Variants in CACNG2 observed in about 807,000 individuals in gnomAD.
CACNG2 encodes calcium voltage-gated channel auxiliary subunit gamma 2, also known as voltage-dependent calcium channel gamma-2 subunit.
A neutral mutation model predicts 25.9 loss-of-function variants in CACNG2; 3 were observed. That is an observed-to-expected ratio of 0.12 (90% confidence interval 0.05 to 0.30). CACNG2 has a LOEUF of 0.30. CACNG2 is among the 10% of genes least tolerant of loss of function. The pLI is 1.00. For missense variants in CACNG2, 341 were observed against 432.5 expected (o/e 0.79, Z 1.88); for synonymous variants, 167 against 173.3 (o/e 0.96, Z 0.29).
intron 1 of CACNG2, among the ~76,000 whole-genome samples, chr22:36,620,162 A>G (rs1936084157): frequency 6.6e-6 from 1 of 152,242 alleles, no homozygotes; most frequent in South Asian, 2.1e-4. Context: ...ATCCTACCCC[A>G]TCTTCTGTGA....
intron 1 of CACNG2, among the ~76,000 whole-genome samples, chr22:36,687,638 C>CA (rs1937218432): frequency 6.6e-6 from 1 of 152,194 alleles, no homozygotes; most frequent in East Asian, 1.9e-4. Context: ...CGCCACATTG[C>CA]ATGGGAAAGG....
intron 1 of CACNG2, among the ~76,000 whole-genome samples, chr22:36,668,142 G>A (rs941342264): frequency 2.6e-5 from 4 of 152,130 alleles, no homozygotes; most frequent in African/African-American, 9.7e-5. Flanking sequence ...TGCCTCTGCC[G>A]GGCTCTCGGC....
chr22:36,592,510 T>C (rs970542450), intron 1 of CACNG2, among the ~76,000 whole-genome samples: 1 of 152,160 alleles, frequency 6.6e-6, no homozygotes, highest in Non-Finnish European at 1.5e-5. Context: ...AATTAATAGA[T>C]AAGGCAAAAC....
chr22:36,669,508 CAAAAAAAAAAAAAA>C (rs1157379465), intron 1 of CACNG2, among the ~76,000 whole-genome samples: 1 of 61,638 alleles, frequency 1.6e-5, no homozygotes, highest in Admixed American at 2.3e-4. Context: ...ACTCTATCTC[CAAAAAAAAAAAAAA>C]AAAAAAAAAA....
At chr22:36,646,341 A>G (rs1015681444) in intron 1 of CACNG2, among the ~76,000 whole-genome samples, 1 of 152,242 alleles carries the variant, frequency 6.6e-6, no homozygotes, top group African/African-American at 2.4e-5. Flanking sequence ...CACTGGAATT[A>G]AAATTTAGCA....
At chr22:36,685,327 C>T (rs1420717676) in intron 1 of CACNG2, among the ~76,000 whole-genome samples, 3 of 152,170 alleles carry the variant, frequency 2.0e-5, no homozygotes, top group Non-Finnish European at 4.4e-5. Context: ...TCCATCTCTC[C>T]CGGGGGCCTC....
At chr22:36,676,021 G>A (rs1937014844) in intron 1 of CACNG2, among the ~76,000 whole-genome samples, 1 of 152,128 alleles carries the variant, frequency 6.6e-6, no homozygotes, top group Non-Finnish European at 1.5e-5. Context: ...CCACAGGGCT[G>A]GTGAGAAGTG....
intron 1 of CACNG2, among the ~76,000 whole-genome samples, chr22:36,666,929 C>T (rs1271729825): frequency 1.3e-5 from 2 of 151,946 alleles, no homozygotes; most frequent in Non-Finnish European, 2.9e-5. Flanking sequence ...GCTCTTCTTT[C>T]TTTCTCTGCA....
chr22:36,690,348 A>G (rs1349240897), intron 1 of CACNG2, among the ~76,000 whole-genome samples: 1 of 121,934 alleles, frequency 8.2e-6, no homozygotes, highest in African/African-American at 3.0e-5. Flanking sequence ...CCAGGGTTAC[A>G]AAAATCTTTT....
intron 1 of CACNG2, among the ~76,000 whole-genome samples, chr22:36,647,804 G>A (rs1342838836): frequency 6.6e-6 from 1 of 152,188 alleles, no homozygotes; most frequent in Non-Finnish European, 1.5e-5. Context: ...TAAGCCTTGA[G>A]TCACACACTC....
chr22:36,613,771 T>A (rs1935980480), intron 1 of CACNG2, among the ~76,000 whole-genome samples: 1 of 152,098 alleles, frequency 6.6e-6, no homozygotes, highest in Admixed American at 6.5e-5. Flanking sequence ...CCCACAGATA[T>A]CTGAACCTCA....
chr22:36,660,210 C>T (rs542968151), intron 1 of CACNG2, among the ~76,000 whole-genome samples: 1 of 152,362 alleles, frequency 6.6e-6, no homozygotes, highest in African/African-American at 2.4e-5. Flanking sequence ...GTCCCCAGTG[C>T]TCATGACAGG....
intron 1 of CACNG2, among the ~76,000 whole-genome samples, chr22:36,619,417 T>C (rs1468375050): frequency 6.6e-6 from 1 of 152,240 alleles, no homozygotes; most frequent in Non-Finnish European, 1.5e-5. Flanking sequence ...GTTGCAGTAC[T>C]AATAAAAGTC....
chr22:36,604,721 C>A (rs1165442220), intron 1 of CACNG2, among the ~76,000 whole-genome samples: 2 of 152,204 alleles, frequency 1.3e-5, no homozygotes, highest in African/African-American at 4.8e-5. Flanking sequence ...TATGTATGTA[C>A]ATTGTTTTCT....
intron 1 of CACNG2, among the ~76,000 whole-genome samples, chr22:36,591,887 C>T (rs1364792368): frequency 6.6e-6 from 1 of 151,846 alleles, no homozygotes. Flanking sequence ...TCTTCTGTTG[C>T]TTCTATTTTC....
At chr22:36,625,328 A>G (rs1293866415) in intron 1 of CACNG2, among the ~76,000 whole-genome samples, 2 of 152,150 alleles carry the variant, frequency 1.3e-5, no homozygotes, top group Admixed American at 6.5e-5. Context: ...CGAGGGTTGG[A>G]TGAGATGGCC....
chr22:36,654,168 A>G (rs1227465190), intron 1 of CACNG2, among the ~76,000 whole-genome samples: 1 of 152,120 alleles, frequency 6.6e-6, no homozygotes, highest in African/African-American at 2.4e-5. Context: ...AAGAGAGCCA[A>G]TCTTTCTCTT....
At chr22:36,681,301 A>C (rs1480391545) in intron 1 of CACNG2, among the ~76,000 whole-genome samples, 1 of 152,148 alleles carries the variant, frequency 6.6e-6, no homozygotes, top group Non-Finnish European at 1.5e-5. Context: ...CAGAGACTGG[A>C]CTTTTCCTAC....
intron 1 of CACNG2, among the ~76,000 whole-genome samples, chr22:36,693,859 T>G (rs1026886618): frequency 3.3e-5 from 5 of 152,216 alleles, no homozygotes; most frequent in African/African-American, 9.6e-5. Context: ...GAATCCCCTG[T>G]GCGTACATTT....
Sources: allele counts gnomAD v4.1 joint callset (sites outside exome capture counted in the v4.1 genomes callset), GRCh38; gene constraint gnomAD v4.1.1; transcripts MANE v1.5; gene names NCBI Gene and HGNC (gene_info 2026-07-23, HGNC 2026-07-21).